The following PGLYRP4 variants were observed in gnomAD, a reference collection of about 807,000 sequenced individuals.
PGLYRP4 encodes the protein peptidoglycan recognition protein 4, also known as PGRP-I-beta.
In PGLYRP4, 39 loss-of-function variants were observed where a neutral mutation model predicts 41.2. The observed-to-expected ratio is 0.95, with a 90% CI of 0.73 to 1.24. The LOEUF is 1.24. PGLYRP4 is among the 50% of genes most tolerant of loss of function. The probability of loss-of-function intolerance (pLI) is 0.00; values close to 1 mark genes in which losing one functional copy is unlikely to be tolerated. For missense variants in PGLYRP4, 467 were observed against 460.7 expected (o/e 1.01, Z -0.13); for synonymous variants, 202 against 186.8 (o/e 1.08, Z -0.66).
At chr1:153,341,862 G>GAGCAT in intron 5 of PGLYRP4, 83 bp from the exon 6 acceptor site, 1 of 1,375,842 alleles carries the variant, frequency 7.3e-7, no homozygotes, top group Non-Finnish European at 1.0e-6. Context: ...TGCTCTGCCA[G>GAGCAT]CCCCTGCACA....
At chr1:153,336,947 T>C (rs1366960371) in intron 8 of PGLYRP4, among the ~76,000 whole-genome samples, 1 of 152,116 alleles carries the variant, frequency 6.6e-6, no homozygotes, top group Non-Finnish European at 1.5e-5. Context: ...TCCTTACATA[T>C]TGGAAGAAAG....
intron 6 of PGLYRP4, 111 bp downstream of exon 6, chr1:153,341,516 T>C (rs1233830542): frequency 1.9e-6 from 2 of 1,052,038 alleles, no homozygotes; most frequent in Non-Finnish European, 2.7e-6. Flanking sequence ...GCCAGTTGCC[T>C]TCCAGAAGGA....
chr1:153,336,690 T>C (rs187995291), intron 8 of PGLYRP4, among the ~76,000 whole-genome samples: 2 of 152,244 alleles, frequency 1.3e-5, no homozygotes, highest in Non-Finnish European at 2.9e-5. Flanking sequence ...CTGTGTAGTA[T>C]ATCCATGTAA....
chr1:153,341,586 AGCCCAGTGGCAG>A, intron 6 of PGLYRP4, 29 bp downstream of exon 6: 1 of 1,573,514 alleles, frequency 6.4e-7, no homozygotes, highest in Non-Finnish European at 8.6e-7. Flanking sequence ...AGTTGGGGTG[AGCCCAGTGGCAG>A]GCCCAGTAGG....
intron 7 of PGLYRP4, among the ~76,000 whole-genome samples, chr1:153,337,589 A>T (rs1209623786): frequency 1.3e-5 from 2 of 152,146 alleles, no homozygotes; most frequent in Non-Finnish European, 2.9e-5. Flanking sequence ...CCAACAATTT[A>T]ACAACCAGCT....
chr1:153,347,898 C>A lies in PGLYRP4; in HGVS notation c.35G>T (p.Gly12Val). 6.2e-7 allele frequency: 1 copy of A among 1,613,364 alleles called. No homozygotes were observed. Among genetic ancestry groups the A allele is most frequent in the Non-Finnish European group, 8.5e-7 (1 of 1,179,406 alleles). ...LPWLLVFSAL[G>V]IQAWGDSSWN... The stretch of plus-strand genomic sequence containing the variant: ...AGAAAACTTACCCCAGGCCTGGATA[C>A]CCAGAGCAGAGAAGACAAGAAGCCA... Residue 12 changes from glycine (G) to valine (V), a missense_variant, in exon 2 of 9, where the codon GGT (glycine) becomes GTT (valine). Physicochemically the swap from Gly to Val is moderately radical, Grantham distance 109 (BLOSUM62 -3). Coordinates refer to ENST00000359650, the MANE Select transcript of PGLYRP4 (RefSeq NM_020393.4).
intron 3 of PGLYRP4, among the ~76,000 whole-genome samples, chr1:153,345,661 C>A (rs1660980586): frequency 6.6e-6 from 1 of 152,240 alleles, no homozygotes; most frequent in African/African-American, 2.4e-5. Context: ...CTTCAGGAAG[C>A]ATCACCTGCT....
chr1:153,330,779 A>T lies in PGLYRP4; in HGVS notation c.1110T>A (p.His370Gln). Residue 370 changes from histidine (H) to glutamine (Q), a missense_variant, in exon 9 of 9, where the codon CAT becomes CAA. By Grantham distance (24) the His-to-Gln change is conservative. Coordinates refer to ENST00000359650, the MANE Select transcript of PGLYRP4 (RefSeq NM_020393.4). ...ALYNIISTWPHFKH is the reference protein window; with the variant it reads ...ALYNIISTWPQFKH ...CCTGGGGCTTCTCTCAGTGTTTGAA[A>T]TGAGGCCAGGTGCTGATGATGTTGT... The T allele has an allele frequency of 6.2e-7, 1 of 1,613,350 alleles. No homozygotes were observed.
intron 8 of PGLYRP4, 95 bp downstream of exon 8, chr1:153,337,086 T>C: frequency 1.0e-6 from 1 of 970,550 alleles, no homozygotes; most frequent in Non-Finnish European, 1.7e-6. Context: ...ATGCAGGCAC[T>C]AAAATGACGC....
In PGLYRP4 at chr1:153,337,293, C is replaced by T; in HGVS notation, c.831G>A (p.Leu277=). 1 of 1,603,720 alleles carries T rather than the reference C, an allele frequency of 6.2e-7. No homozygotes were observed. Among genetic ancestry groups the T allele is most frequent in the Non-Finnish European group, 8.5e-7 (1 of 1,174,828 alleles). ...LKSCDIGYNF[L]VGQDGAIYEG... is the part of the protein sequence containing the mutation. Reference sequence around the variant, plus strand: ...CATAAATGGCGCCATCCTGGCCCACCAGGAAGCTAGAGGACCACAAGGGGA... The same window carrying T: ...CATAAATGGCGCCATCCTGGCCCACTAGGAAGCTAGAGGACCACAAGGGGA... The change falls in exon 8 of 9, where the codon CTG becomes CTA. Residue 277 remains leucine (L), a synonymous_variant. Coordinates refer to ENST00000359650, the MANE Select transcript of PGLYRP4 (RefSeq NM_020393.4).
At chr1:153,336,328 A>ACAT (rs1252663845) in intron 8 of PGLYRP4, among the ~76,000 whole-genome samples, 3 of 138,572 alleles carry the variant, frequency 2.2e-5, no homozygotes, top group Admixed American at 8.0e-5. Context: ...CCAAAACTGC[A>ACAT]CATTGTGTTC....
Position 153,330,557 on chromosome 1 carries a change from C to T in PGLYRP4, c.*210G>A, listed in dbSNP as rs766450796. ...AGGAGAGAAGAAATCTGGACTCAGA[C>T]TCAGAGGGCTGTGAATGTCCAGCTA... On this transcript the variant is annotated 3_prime_UTR_variant, in exon 9 of 9. Coordinates refer to ENST00000359650, the MANE Select transcript of PGLYRP4 (RefSeq NM_020393.4). 1.2e-5 allele frequency: 5 copies of T among 408,494 alleles called. No homozygotes were observed. Among genetic ancestry groups the T allele is most frequent in the Non-Finnish European group, 2.3e-5 (5 of 220,754 alleles). 25.3% of individuals were successfully genotyped at this position (408,494 alleles called of 1,614,324 possible).
chr1:153,345,068 C>T, intron 4 of PGLYRP4, 101 bp downstream of exon 4: 3 of 889,754 alleles, frequency 3.4e-6, no homozygotes, highest in Non-Finnish European at 5.3e-6. Flanking sequence ...CATATAGGAC[C>T]ACAACCCAGA....
chr1:153,335,721 C>CCAAA (rs1660528590), intron 8 of PGLYRP4, among the ~76,000 whole-genome samples: 1 of 37,024 alleles, frequency 2.7e-5, no homozygotes, highest in Non-Finnish European at 6.1e-5. Context: ...AAGACTCTGT[C>CCAAA]TAAATAAATA....
At chr1:153,340,251 T>C (rs1660737759) in intron 7 of PGLYRP4, 130 bp downstream of exon 7, 1 of 782,770 alleles carries the variant, frequency 1.3e-6, no homozygotes, top group Non-Finnish European at 2.1e-6. Flanking sequence ...GATGAATTCA[T>C]TTGGTTATCC....
In PGLYRP4 at chr1:153,341,619, G is replaced by T; in HGVS notation, c.625+8C>A. ...GGCAGGCCCAGTAGGGCTGAAGAAAGGTCTTACCCTTCTTCAGGCTTGTCT... is the reference window on the plus strand; with the variant it reads ...GGCAGGCCCAGTAGGGCTGAAGAAATGTCTTACCCTTCTTCAGGCTTGTCT... On this transcript the variant is annotated splice_region_variant and intron_variant, in intron 6 of 8. Transcript: ENST00000359650. 6.2e-7 allele frequency: 1 copy of T among 1,608,568 alleles called. No individual in the cohort carries two copies. Among genetic ancestry groups the T allele is most frequent in the Non-Finnish European group, 8.5e-7 (1 of 1,177,794 alleles).
rs867712860 is a variant in PGLYRP4 at position 153,347,914 on chromosome 1, C to A, written c.19G>T (p.Val7Phe). MLPWLL[V>F]FSALGIQAWG... ...GCCTGGATACCCAGAGCAGAGAAGACAAGAAGCCACGGCAGCATCCCCACG... is the reference window on the plus strand; with the variant it reads ...GCCTGGATACCCAGAGCAGAGAAGAAAAGAAGCCACGGCAGCATCCCCACG... Residue 7 changes from valine to phenylalanine, a missense_variant, in exon 2 of 9, where the codon GTC becomes TTC. Transcript: ENST00000359650. 1.9e-6 allele frequency: 3 copies of A among 1,613,554 alleles called. No homozygotes were observed. Among genetic ancestry groups the A allele is most frequent in the Admixed American group, 1.7e-5 (1 of 59,992 alleles).
At chr1:153,340,237 G>T in intron 7 of PGLYRP4, 144 bp downstream of exon 7, 1 of 705,560 alleles carries the variant, frequency 1.4e-6, no homozygotes, top group Non-Finnish European at 2.4e-6. Context: ...AGGCAGGGTC[G>T]TGTGATGAAT....
chr1:153,337,381 C>T (rs1309961063), intron 7 of PGLYRP4, 82 bp from the exon 8 acceptor site: 2 of 801,352 alleles, frequency 2.5e-6, no homozygotes, highest in African/African-American at 3.5e-5. Context: ...TTATTCATGT[C>T]TTTACTACTT....
Sources: gnomAD v4.1 joint callset for allele counts (sites outside exome capture counted in the v4.1 genomes callset) on GRCh38, gnomAD v4.1.1 for gene constraint, MANE v1.5 for transcripts, NCBI Gene and HGNC (gene_info 2026-07-23, HGNC 2026-07-21) for gene names.